Variants in NPRL3 observed in about 807,000 individuals in gnomAD.
NPRL3 encodes GATOR1 complex protein NPRL3.
A neutral mutation model predicts 57.2 loss-of-function variants in NPRL3; 23 were observed. The observed-to-expected ratio is 0.40, with a 90% CI of 0.29 to 0.57. The LOEUF (loss-of-function observed/expected upper bound fraction) is 0.57. Among genes scored for constraint, NPRL3 ranks in the 20% least tolerant of loss-of-function variants. The pLI is 0.42. For missense variants in NPRL3, 691 were observed against 767.1 expected, an observed-to-expected ratio of 0.90 and a Z score of 1.17; for synonymous variants, 333 against 321.1, an observed-to-expected ratio of 1.04 and a Z score of -0.39.
intron 13 of NPRL3, among the ~76,000 whole-genome samples, chr16:87,370 A>G (rs1898524443): frequency 6.6e-6 from 1 of 150,904 alleles, no homozygotes; most frequent in Non-Finnish European, 1.5e-5. Flanking sequence ...GTAAGCTGGG[A>G]CTACAGGAGT....
chr16:96,140 C>G (rs766505612), intron 9 of NPRL3, among the ~76,000 whole-genome samples: 4 of 152,146 alleles, frequency 2.6e-5, no homozygotes, highest in African/African-American at 4.8e-5. Flanking sequence ...AAGCTTTGTC[C>G]AAGGAGACTC....
At chr16:89,593 T>C (rs1898667425) in intron 12 of NPRL3, 120 bp downstream of exon 12, 2 of 920,668 alleles carry the variant, frequency 2.2e-6, no homozygotes, top group South Asian at 2.1e-5. Flanking sequence ...GGCACGTGCA[T>C]GTGCGTGTGC....
chr16:89,872 G>A lies in NPRL3; in HGVS notation c.1192C>T (p.Leu398=), dbSNP rs575256508. The change falls in exon 12 of 14, where the codon CTG becomes TTG. Residue 398 remains leucine, a synonymous_variant. Coordinates refer to ENST00000611875, the MANE Select transcript of NPRL3 (RefSeq NM_001077350.3). ...AGCTGGATGAGAAGCCGGCGCTGCA[G>A]CATCCACACCACCATCTGGATGAGC... ...TQLIQMVVWM[L]QRRLLIQLHT... is the part of the protein sequence containing the mutation. 1.7e-5 allele frequency: 27 copies of A among 1,557,286 alleles called. No individual in the cohort carries two copies. In the African/African-American group the frequency reaches 3.3e-4, roughly 19 times the overall value.
At chr16:106,403 T>G (rs1476091986) in intron 7 of NPRL3, among the ~76,000 whole-genome samples, 2 of 151,594 alleles carry the variant, frequency 1.3e-5, no homozygotes, top group African/African-American at 4.8e-5. Flanking sequence ...GAGGCTAAGG[T>G]GGGTAGATTG....
chr16:137,405 C>A (rs1224526140), intron 2 of NPRL3, among the ~76,000 whole-genome samples: 1 of 152,134 alleles, frequency 6.6e-6, no homozygotes, highest in Non-Finnish European at 1.5e-5. Context: ...ACAATTCGTG[C>A]GATGAAAAAC....
chr16:115,986 C>A (rs1900016499), intron 5 of NPRL3, among the ~76,000 whole-genome samples: 1 of 152,202 alleles, frequency 6.6e-6, no homozygotes, highest in Non-Finnish European at 1.5e-5. Flanking sequence ...TGAGAACAAG[C>A]CTGGGGGAAA....
At position 119,128 on chromosome 16, in the gene NPRL3, G is replaced by T. The variant is rs1215657187; in HGVS notation, c.316C>A (p.Gln106Lys). 1 of 1,613,542 alleles carries T rather than the reference G, an allele frequency of 6.2e-7. No individual in the cohort carries two copies. Among genetic ancestry groups the T allele is most frequent in the Non-Finnish European group, 8.5e-7 (1 of 1,179,702 alleles). Reference sequence around the variant, plus strand: ...CACCTGCCCAGGGAGAGCCATACCTGCCCCAGAGCATGCTGTAGCAGTGTT... The same window carrying T: ...CACCTGCCCAGGGAGAGCCATACCTTCCCCAGAGCATGCTGTAGCAGTGTT... ...HPTLLQHALGQISKTDPSPKR... is the reference protein window; with the variant it reads ...HPTLLQHALGKISKTDPSPKR... Residue 106 changes from glutamine (Q) to lysine (K), a missense_variant and splice_region_variant, in exon 4 of 14, where the codon CAG becomes AAG. Transcript: ENST00000611875.
intron 5 of NPRL3, 116 bp downstream of exon 5, chr16:117,185 G>T: frequency 1.5e-6 from 1 of 678,750 alleles, no homozygotes. Context: ...TGCACCCCAG[G>T]AGGGGCCAGC....
Position 86,368 on chromosome 16 carries a change from T to G in NPRL3, c.*337A>C. 4 of 273,560 alleles carry G rather than the reference T, an allele frequency of 1.5e-5. No homozygotes were observed. The highest frequency in any genetic ancestry group is 7.8e-5 in the South Asian group (1 of 12,756). 16.9% of individuals were successfully genotyped at this position (273,560 alleles called of 1,614,324 possible). ...AGCAGGTGTAGGGACAGAAGGAGGG[T>G]CTGAGAAACGCACAGCCCACATGGG... On this transcript the variant is annotated 3_prime_UTR_variant, in exon 14 of 14. Coordinates refer to ENST00000611875, the MANE Select transcript of NPRL3 (RefSeq NM_001077350.3).
At chr16:122,850 T>A (rs114287623) in intron 3 of NPRL3, among the ~76,000 whole-genome samples, 290 of 152,122 alleles carry the variant, frequency 1.9e-3, no homozygotes, top group African/African-American at 6.7e-3. Context: ...GGAGGGGAGC[T>A]CAACTCTGCT....
At position 85,728 on chromosome 16, in the gene NPRL3, C is replaced by T; in HGVS notation, c.*977G>A. On this transcript the variant is annotated 3_prime_UTR_variant, in exon 14 of 14. Coordinates refer to ENST00000611875, the MANE Select transcript of NPRL3 (RefSeq NM_001077350.3). ...CTCCGCTTCTATGTCCGGGGCAGCC[C>T]CTGGGTCAGTGTGGTCGACAGAGTG... 6.6e-7 allele frequency: 1 copy of T among 1,526,162 alleles called. No homozygotes were observed. The highest frequency in any genetic ancestry group is 8.8e-7 in the Non-Finnish European group (1 of 1,134,706). The allele number at this position is 1,526,162 out of a possible 1,614,324, so 94.5% of individuals were successfully genotyped here.
chr16:101,592 C>A (rs1473755667), intron 7 of NPRL3, among the ~76,000 whole-genome samples: 1 of 152,242 alleles, frequency 6.6e-6, no homozygotes, highest in Non-Finnish European at 1.5e-5. Context: ...ATCTGCTCCA[C>A]CTGCAGGGAT....
intron 4 of NPRL3, 28 bp downstream of exon 4, chr16:119,098 A>C (rs1156769570): frequency 6.2e-7 from 1 of 1,611,322 alleles, no homozygotes; most frequent in African/African-American, 1.3e-5. Flanking sequence ...GCCCAGGGAG[A>C]GCCCCACCTG....
intron 2 of NPRL3, among the ~76,000 whole-genome samples, chr16:132,076 G>A (rs535578279): frequency 1.1e-4 from 17 of 150,442 alleles, no homozygotes; most frequent in African/African-American, 3.2e-4. Context: ...TGTGATCACC[G>A]TTCACTACAG....
Position 134,188 on chromosome 16 carries a change from T to C in NPRL3, c.119-3597A>G, listed in dbSNP as rs2141987848. Among the ~76,000 whole-genome samples the C allele has an allele frequency of 1.3e-5, 2 of 152,020 alleles. 1 individual carries two copies. Among genetic ancestry groups the C allele is most frequent in the African/African-American group, 4.8e-5 (2 of 41,464 alleles). Reference sequence around the variant, plus strand: ...AGGTTTGCCATGAACTTTCAATTTGTAGAAAACACAATAAAGTGAGGTAGG... The same window carrying C: ...AGGTTTGCCATGAACTTTCAATTTGCAGAAAACACAATAAAGTGAGGTAGG... On this transcript the variant is annotated intron_variant, in intron 2 of 13. Transcript: ENST00000611875.
intron 5 of NPRL3, 87 bp downstream of exon 5, chr16:117,214 C>T (rs1036526404): frequency 4.2e-5 from 39 of 930,948 alleles, no homozygotes; most frequent in Admixed American, 1.1e-4. Context: ...GTCCAAGCTC[C>T]GAGTCAATGA....
At chr16:135,608 CA>C (rs555589072) in intron 2 of NPRL3, among the ~76,000 whole-genome samples, 10,144 of 56,852 alleles carry the variant, frequency 0.18, 198 homozygotes, top group African/African-American at 0.22. Flanking sequence ...GACTCTGTCT[CA>C]AAAAAAAAAA....
At chr16:129,278 C>T (rs1296188159) in intron 3 of NPRL3, among the ~76,000 whole-genome samples, 1 of 152,176 alleles carries the variant, frequency 6.6e-6, no homozygotes, top group Non-Finnish European at 1.5e-5. Context: ...GGAGGGAGAA[C>T]AGGAAATACC....
chr16:106,511 A>G (rs936080227), intron 7 of NPRL3, among the ~76,000 whole-genome samples: 4 of 151,508 alleles, frequency 2.6e-5, no homozygotes, highest in African/African-American at 9.7e-5. Context: ...GCGGGTGCCT[A>G]TAGTCCCAGC....
Sources: gnomAD v4.1 joint callset for allele counts (sites outside exome capture counted in the v4.1 genomes callset) on GRCh38, gnomAD v4.1.1 for gene constraint, MANE v1.5 for transcripts, NCBI Gene and HGNC (gene_info 2026-07-23, HGNC 2026-07-21) for gene names.